The following SCRN3 variants were observed in gnomAD, a reference collection of about 807,000 sequenced individuals.
SCRN3 encodes the protein secernin 3.
Under a neutral mutation model 43.1 loss-of-function variants are expected in SCRN3, and 39 were observed. The ratio of observed to expected loss-of-function variants is 0.91; its 90% CI spans 0.70 to 1.18. The LOEUF is 1.18. SCRN3 is among the 50% of genes most tolerant of loss of function. The pLI, the probability that SCRN3 is intolerant of heterozygous loss-of-function variation, is 0.00. For missense variants in SCRN3, 484 were observed against 498.0 expected (o/e 0.97, Z 0.27); for synonymous variants, 147 against 163.1 (o/e 0.90, Z 0.75).
chr2:174,420,231 G>A (rs944390838), intron 5 of SCRN3, among the ~76,000 whole-genome samples: 8 of 152,050 alleles, frequency 5.3e-5, no homozygotes, highest in Non-Finnish European at 7.4e-5. Flanking sequence ...AGGGCCAGCC[G>A]AGAAGAAGGT....
At chr2:174,418,035 G>A (rs1686175547) in intron 5 of SCRN3, among the ~76,000 whole-genome samples, 1 of 152,022 alleles carries the variant, frequency 6.6e-6, no homozygotes, top group Admixed American at 6.6e-5. Flanking sequence ...TAATCAAGAT[G>A]GAGAGGAAAA....
chr2:174,422,644 G>A (rs1686331997), intron 5 of SCRN3, among the ~76,000 whole-genome samples: 1 of 143,980 alleles, frequency 6.9e-6, no homozygotes, highest in African/African-American at 2.5e-5. Flanking sequence ...CTTTTTCTAG[G>A]GATTTTTTTA....
At position 174,428,011 on chromosome 2, in the gene SCRN3, C is replaced by A; in HGVS notation, c.*116C>A. Reference sequence around the variant, plus strand: ...CCTAACTTGAGCAGATCTGATTATTCTTGGATAGTATTCAAGTGGTATCTT... The same window carrying A: ...CCTAACTTGAGCAGATCTGATTATTATTGGATAGTATTCAAGTGGTATCTT... On this transcript the variant is annotated 3_prime_UTR_variant, in exon 8 of 8. Transcript: ENST00000272732. The A allele has an allele frequency of 1.6e-6, 1 of 640,680 alleles. No homozygotes were observed. The highest frequency in any genetic ancestry group is 1.8e-5 in the African/African-American group (1 of 54,818). 39.7% of individuals were successfully genotyped at this position (640,680 alleles called of 1,614,324 possible). A position where few individuals can be genotyped will look rare whatever the true frequency, so the allele number is the denominator to read the frequency against.
chr2:174,413,569 CT>C (rs34014616), intron 5 of SCRN3, among the ~76,000 whole-genome samples: 26,569 of 116,856 alleles, frequency 0.23, 3,002 homozygotes, highest in Middle Eastern at 0.45. Context: ...CCTCACTTTT[CT>C]TTTTTTTTGT....
chr2:174,419,435 G>T (rs1313783022), intron 5 of SCRN3, among the ~76,000 whole-genome samples: 1 of 152,056 alleles, frequency 6.6e-6, no homozygotes, highest in Non-Finnish European at 1.5e-5. Context: ...GCTGGAGTGC[G>T]GTGGCACGAT....
intron 5 of SCRN3, among the ~76,000 whole-genome samples, chr2:174,411,659 C>T (rs962250750): frequency 6.6e-6 from 1 of 152,092 alleles, no homozygotes; most frequent in African/African-American, 2.4e-5. Flanking sequence ...CTGTGGCTCA[C>T]GTATGTAATC....
chr2:174,425,954 T>C (rs1250158851), intron 7 of SCRN3, among the ~76,000 whole-genome samples: 1 of 152,198 alleles, frequency 6.6e-6, no homozygotes, highest in Non-Finnish European at 1.5e-5. Context: ...TTAAATTACT[T>C]GTCTATTTTT....
Position 174,401,088 on chromosome 2 carries a change from G to C in SCRN3, c.440G>C (p.Arg147Thr). Residue 147 changes from arginine (R) to threonine (T), a missense_variant, in exon 4 of 8, where the codon AGA becomes ACA. Physicochemically the swap from Arg to Thr is moderately conservative, Grantham distance 71. Transcript: ENST00000272732. ...YGQGGNCTEGRMVFSYHNSFL... is the reference protein window; with the variant it reads ...YGQGGNCTEGTMVFSYHNSFL... Reference sequence around the variant, plus strand: ...CAGGGTGGAAATTGCACAGAGGGTAGAATGGTATTTAGCTATCACAACAGT... The same window carrying C: ...CAGGGTGGAAATTGCACAGAGGGTACAATGGTATTTAGCTATCACAACAGT... 1.2e-6 allele frequency: 2 copies of C among 1,613,916 alleles called. No individual in the cohort carries two copies. The highest frequency in any genetic ancestry group is 1.7e-6 in the Non-Finnish European group (2 of 1,179,920).
At chr2:174,410,792 A>T (rs1252892745) in intron 5 of SCRN3, among the ~76,000 whole-genome samples, 4 of 152,148 alleles carry the variant, frequency 2.6e-5, no homozygotes, top group Non-Finnish European at 5.9e-5. Flanking sequence ...CCACTCCAAA[A>T]CTTGAGAAAT....
At chr2:174,400,834 G>A (rs776299623) in intron 3 of SCRN3, among the ~76,000 whole-genome samples, 156 bp from the exon 4 acceptor site, 3 of 152,142 alleles carry the variant, frequency 2.0e-5, no homozygotes, top group Non-Finnish European at 4.4e-5. Flanking sequence ...ATTCCAAACT[G>A]ACTTCAGAAG....
intron 4 of SCRN3, 38 bp downstream of exon 4, chr2:174,401,227 A>C (rs1192575014): frequency 1.3e-6 from 2 of 1,484,908 alleles, no homozygotes; most frequent in Admixed American, 1.7e-5. Context: ...TGTTTTTGCA[A>C]TTAATAAAAT....
Position 174,424,632 on chromosome 2 carries a change from G to A in SCRN3, c.1075G>A (p.Val359Ile). 1 of 1,610,946 alleles carries A rather than the reference G, an allele frequency of 6.2e-7. No individual in the cohort carries two copies. The highest frequency in any genetic ancestry group is 1.1e-5 in the South Asian group (1 of 90,590). The change falls in exon 7 of 8, where the codon GTA becomes ATA. Residue 359 changes from valine to isoleucine, a missense_variant. Val to Ile is a conservative substitution (Grantham distance 29). Coordinates refer to ENST00000272732, the MANE Select transcript of SCRN3 (RefSeq NM_024583.5). The stretch of plus-strand genomic sequence containing the variant: ...CCAAAAACATCAACAGGCATTGGAA[G>A]TAGTAAATAATAATGAGGTATGCTA... ...LYQKHQQALE[V>I]VNNNEEKAKI...
Position 174,424,647 on chromosome 2 carries a change from G to T in SCRN3, c.1090G>T (p.Glu364Ter). ...QQALEVVNNN[E>*]EKAKIMLDNM... ...GGCATTGGAAGTAGTAAATAATAAT[G>T]AGGTATGCTAGATTATATTCTTTGT... The change falls in exon 7 of 8, where the codon GAG (glutamate) becomes TAG (stop). Residue 364 changes from glutamate (E) to a stop codon, truncating the protein, a stop_gained and splice_region_variant. Transcript: ENST00000272732. LOFTEE classifies it high-confidence loss of function. 1 of 1,606,450 alleles carries T rather than the reference G, an allele frequency of 6.2e-7. No homozygotes were observed. The highest frequency in any genetic ancestry group is 8.5e-7 in the Non-Finnish European group (1 of 1,175,000).
chr2:174,402,000 A>T (rs1341506403), intron 4 of SCRN3, among the ~76,000 whole-genome samples: 1 of 152,212 alleles, frequency 6.6e-6, no homozygotes, highest in Admixed American at 6.5e-5. Context: ...GAGCTAGAGG[A>T]GTTCAGAAAG....
rs201183343 is a variant in SCRN3 at position 174,404,150 on chromosome 2, G to T, written c.589G>T (p.Ala197Ser). Residue 197 changes from alanine (A) to serine (S), a missense_variant, in exon 5 of 8, where the codon GCC becomes TCC. Ala to Ser is a moderately conservative substitution (Grantham distance 99). Transcript: ENST00000272732. ...SNQLSITTKI[A>S]REHPDMRNYA... is the part of the protein sequence containing the mutation. Reference sequence around the variant, plus strand: ...TCAACTTTCCATAACAACCAAGATTGCCCGGGAACACCCAGACATGAGAAA... The same window carrying T: ...TCAACTTTCCATAACAACCAAGATTTCCCGGGAACACCCAGACATGAGAAA... The T allele has an allele frequency of 6.2e-6, 10 of 1,613,624 alleles. No homozygotes were observed. The highest frequency in any genetic ancestry group is 5.3e-5 in the African/African-American group (4 of 74,868).
intron 5 of SCRN3, among the ~76,000 whole-genome samples, chr2:174,419,085 T>C (rs1422874372): frequency 1.3e-5 from 2 of 152,182 alleles, no homozygotes; most frequent in African/African-American, 4.8e-5. Flanking sequence ...TTTGAAATAT[T>C]GTGAATTACA....
chr2:174,398,953 C>G (rs1685416253), intron 2 of SCRN3, among the ~76,000 whole-genome samples: 1 of 152,092 alleles, frequency 6.6e-6, no homozygotes, highest in Admixed American at 6.5e-5. Context: ...AAAGTCATCC[C>G]AGACTTTAGG....
chr2:174,427,231 A>C (rs1228638022), intron 7 of SCRN3, among the ~76,000 whole-genome samples: 2 of 152,054 alleles, frequency 1.3e-5, no homozygotes, highest in Non-Finnish European at 2.9e-5. Context: ...AGAATCATAG[A>C]CCTTTTTTCT....
chr2:174,409,725 G>A (rs975003663), intron 5 of SCRN3, among the ~76,000 whole-genome samples: 31 of 143,472 alleles, frequency 2.2e-4, no homozygotes, highest in Non-Finnish European at 4.4e-4. Context: ...GCCGTGTGAG[G>A]TGTCAGTGTG....
Sources: gnomAD v4.1 joint callset for allele counts (sites outside exome capture counted in the v4.1 genomes callset) on GRCh38, gnomAD v4.1.1 for gene constraint, MANE v1.5 for transcripts, NCBI Gene and HGNC (gene_info 2026-07-23, HGNC 2026-07-21) for gene names.